PHF24: variants seen among roughly 807,000 people sequenced by gnomAD.
PHF24 encodes the protein PHD finger protein 24.
PHF24 carries 25 observed loss-of-function variants against 42.6 expected under a neutral mutation model. That is an observed-to-expected ratio of 0.59 (90% CI 0.43 to 0.82). PHF24 has a LOEUF of 0.82. Among genes scored for constraint, PHF24 ranks in the 40% least tolerant of loss-of-function variants. PHF24 has a pLI of 0.00. For synonymous variants in PHF24, 185 were observed against 204.8 expected, an observed-to-expected ratio of 0.90 and a Z score of 0.83; for missense variants, 470 against 538.1, an observed-to-expected ratio of 0.87 and a Z score of 1.25.
At chr9:34,768,899 A>G in the PHF24 span, among the ~76,000 whole-genome samples, 4 of 150,538 alleles carry the variant, frequency 2.7e-5, no homozygotes, top group African/African-American at 4.9e-5. Flanking sequence ...AGGTGGGGGG[A>G]GAGAGAGAGA....
At chr9:34,936,052 C>G in the PHF24 span, among the ~76,000 whole-genome samples, 18 of 151,576 alleles carry the variant, frequency 1.2e-4, no homozygotes, top group East Asian at 3.9e-4. Flanking sequence ...GCTCCCACCC[C>G]CTCTCCCTCT....
At chr9:34,692,750 C>T in the PHF24 span, among the ~76,000 whole-genome samples, 1 of 150,000 alleles carries the variant, frequency 6.7e-6, no homozygotes, top group Admixed American at 6.6e-5. Flanking sequence ...GGCTGACGCA[C>T]AATAAGCTCT....
the PHF24 span, among the ~76,000 whole-genome samples, chr9:34,735,953 TA>T: frequency 2.6e-5 from 4 of 152,066 alleles, no homozygotes; most frequent in African/African-American, 7.2e-5. Context: ...ATCAGATGGG[TA>T]ATTTCATCAG....
the PHF24 span, among the ~76,000 whole-genome samples, chr9:34,675,834 G>A: frequency 6.6e-6 from 1 of 152,240 alleles, no homozygotes; most frequent in Admixed American, 6.5e-5. Context: ...GAGATGGGGA[G>A]CCCTGGGGTG....
the PHF24 span, among the ~76,000 whole-genome samples, chr9:34,850,554 C>T: frequency 6.6e-6 from 1 of 152,204 alleles, no homozygotes; most frequent in Non-Finnish European, 1.5e-5. Flanking sequence ...TGAATTTCCT[C>T]CTGTAGCTCA....
At chr9:34,874,545 C>G in the PHF24 span, among the ~76,000 whole-genome samples, 2 of 152,124 alleles carry the variant, frequency 1.3e-5, no homozygotes, top group Non-Finnish European at 2.9e-5. Flanking sequence ...TGGATTGACT[C>G]TGTTTTTTTC....
At chr9:34,745,147 A>G in the PHF24 span, among the ~76,000 whole-genome samples, 1 of 152,212 alleles carries the variant, frequency 6.6e-6, no homozygotes, top group Non-Finnish European at 1.5e-5. Flanking sequence ...ACTATCCTCC[A>G]TGACTCAGAG....
the PHF24 span, among the ~76,000 whole-genome samples, chr9:34,910,315 CTT>C: frequency 3.9e-5 from 6 of 151,958 alleles, no homozygotes; most frequent in Non-Finnish European, 5.9e-5. Context: ...TTTCCCCTCT[CTT>C]GGAAAACATT....
the PHF24 span, among the ~76,000 whole-genome samples, chr9:34,810,907 A>G: frequency 5.3e-5 from 8 of 152,188 alleles, no homozygotes; most frequent in African/African-American, 1.9e-4. Flanking sequence ...CTCTAAAGGA[A>G]AGATAGGAGA....
chr9:34,723,601 A>G, the PHF24 span: 392 of 1,551,648 alleles, frequency 2.5e-4, 2 homozygotes, highest in African/African-American at 4.5e-3. Context: ...ATTTAATTTT[A>G]TTTCTGAAGC....
chr9:34,809,853 T>G, the PHF24 span, among the ~76,000 whole-genome samples: 166 of 152,146 alleles, frequency 1.1e-3, no homozygotes, highest in Non-Finnish European at 2.0e-3. This position sits in a 1 kb window ranked among gnomAD's most constrained non-coding sequence, Gnocchi z 4.1. Flanking sequence ...TCCGAGCCCA[T>G]GGAACCCCAC....
the PHF24 span, among the ~76,000 whole-genome samples, chr9:34,711,301 C>A: frequency 0.019 from 2,878 of 149,750 alleles, 109 homozygotes; most frequent in African/African-American, 0.067. Flanking sequence ...GGCTGGAGTG[C>A]GGTGGCACAA....
chr9:34,787,791 C>A, the PHF24 span, among the ~76,000 whole-genome samples: 5 of 152,148 alleles, frequency 3.3e-5, no homozygotes, highest in Non-Finnish European at 5.9e-5. Context: ...ACTCCTCAAC[C>A]CACTCTTCCA....
the PHF24 span, among the ~76,000 whole-genome samples, chr9:34,890,897 G>A: frequency 2.0e-5 from 3 of 152,148 alleles, no homozygotes; most frequent in Admixed American, 6.5e-5. Context: ...ACACTTGTAC[G>A]TTATCTACAC....
the PHF24 span, chr9:34,691,152 G>A: frequency 5.0e-6 from 8 of 1,613,176 alleles, no homozygotes; most frequent in East Asian, 1.6e-4. Flanking sequence ...AGGGTGAACA[G>A]AGGCAGGCCA....
the PHF24 span, among the ~76,000 whole-genome samples, chr9:34,938,945 A>AAG: frequency 6.6e-6 from 1 of 150,494 alleles, no homozygotes; most frequent in East Asian, 1.9e-4. Context: ...AAAAAAAAAA[A>AAG]AAAAAAAAAG....
chr9:34,706,733 C>T, the PHF24 span, among the ~76,000 whole-genome samples: 4 of 152,076 alleles, frequency 2.6e-5, no homozygotes, highest in Admixed American at 2.6e-4. Flanking sequence ...CTATGTTTTT[C>T]TTTTCACTAT....
chr9:34,892,574 A>G, the PHF24 span: 3 of 431,778 alleles, frequency 6.9e-6, no homozygotes, highest in African/African-American at 6.0e-5. Context: ...TTGGAAAGGA[A>G]TGTAGGGTCA....
chr9:34,827,489 A>T, the PHF24 span, among the ~76,000 whole-genome samples: 1 of 152,122 alleles, frequency 6.6e-6, no homozygotes, highest in Non-Finnish European at 1.5e-5. Context: ...CCTCTTCTGT[A>T]TCCAAGCAGT....
Sources: allele counts gnomAD v4.1 joint callset (sites outside exome capture counted in the v4.1 genomes callset), GRCh38; gene constraint gnomAD v4.1.1; non-coding constraint Gnocchi (gnomAD v3.1); transcripts MANE v1.5; gene names NCBI Gene and HGNC (gene_info 2026-07-23, HGNC 2026-07-21).